Variants in COL7A1 observed in about 807,000 individuals in gnomAD.
The protein encoded by COL7A1 is collagen alpha-1(VII) chain.
In COL7A1, 296 loss-of-function variants were observed where a neutral mutation model predicts 456.2. That is an observed-to-expected ratio of 0.65 (90% CI 0.59 to 0.71). The LOEUF (loss-of-function observed/expected upper bound fraction) is 0.71, where lower values mean the gene tolerates loss of function less well. Ranked by LOEUF, COL7A1 falls within the 30% of genes least tolerant of loss-of-function variation. The probability of loss-of-function intolerance (pLI) is 0.00; values close to 1 mark genes in which losing one functional copy is unlikely to be tolerated. For synonymous variants in COL7A1, 1,464 were observed against 1,525.9 expected, an observed-to-expected ratio of 0.96 and a Z score of 0.95; for missense variants, 3,441 against 4,017.2, an observed-to-expected ratio of 0.86 and a Z score of 3.88.
Position 48,584,384 on chromosome 3 carries a change from G to A in COL7A1, c.4120-9C>T, listed in dbSNP as rs199914077. 8 of 1,613,630 alleles carry A rather than the reference G, an allele frequency of 5.0e-6. No individual in the cohort carries two copies. The highest frequency in any genetic ancestry group is 1.1e-5 in the South Asian group (1 of 91,084). ...CGAGGTCCAGGGGGGCCCTGATGGAGGAGACAAAGTATAAGGTGCAACCCC... is the reference window on the plus strand; with the variant it reads ...CGAGGTCCAGGGGGGCCCTGATGGAAGAGACAAAGTATAAGGTGCAACCCC... On this transcript the variant is annotated splice_polypyrimidine_tract_variant and intron_variant, in intron 36 of 118. Coordinates refer to ENST00000681320, the MANE Select transcript of COL7A1 (RefSeq NM_000094.4).
In COL7A1 at chr3:48,580,504, G is replaced by T; in HGVS notation, c.5052+77C>A. 1 of 1,534,798 alleles carries T rather than the reference G, an allele frequency of 6.5e-7. No homozygotes were observed. The highest frequency in any genetic ancestry group is 9.0e-7 in the Non-Finnish European group (1 of 1,115,112). ...GGGAGGGTTTAGCATTACAGGGTTGGGGGGTAGGATCAGGTATTGGGAATT... is the reference window on the plus strand; with the variant it reads ...GGGAGGGTTTAGCATTACAGGGTTGTGGGGTAGGATCAGGTATTGGGAATT... On this transcript the variant is annotated intron_variant, in intron 55 of 118. Coordinates refer to ENST00000681320, the MANE Select transcript of COL7A1 (RefSeq NM_000094.4). The surrounding 1 kb of genome is among the most constrained non-coding windows in gnomAD (Gnocchi z 4.5).
In COL7A1 at chr3:48,573,117, T is replaced by C. The variant is rs1400905720; in HGVS notation, c.6714+57A>G. 9 of 1,613,970 alleles carry C rather than the reference T, an allele frequency of 5.6e-6. No homozygotes were observed. The highest frequency in any genetic ancestry group is 7.6e-6 in the Non-Finnish European group (9 of 1,179,958). On this transcript the variant is annotated intron_variant, in intron 85 of 118. Coordinates refer to ENST00000681320, the MANE Select transcript of COL7A1 (RefSeq NM_000094.4). This position sits in a 1 kb window ranked among gnomAD's most constrained non-coding sequence, Gnocchi z 5.5. Reference sequence around the variant, plus strand: ...GGACACAGGACGACATGAGAGAACATGGGCCCCAAGGAGTGAAAACACGGT... The same window carrying C: ...GGACACAGGACGACATGAGAGAACACGGGCCCCAAGGAGTGAAAACACGGT...
chr3:48,587,753 A>T lies in COL7A1; in HGVS notation c.2857+40T>A. 6 of 1,613,398 alleles carry T rather than the reference A, an allele frequency of 3.7e-6. No individual in the cohort carries two copies. Among genetic ancestry groups the T allele is most frequent in the Non-Finnish European group, 5.1e-6 (6 of 1,179,958 alleles). ...GGGGTGCAGGAAGTCAGGGTGGGTC[A>T]TCAGCAGGGGAGGAGCACGCCAAGG... On this transcript the variant is annotated intron_variant, in intron 22 of 118. Coordinates refer to ENST00000681320, the MANE Select transcript of COL7A1 (RefSeq NM_000094.4). The surrounding 1 kb of genome is among the most constrained non-coding windows in gnomAD (Gnocchi z 6.1).
At position 48,578,871 on chromosome 3, in the gene COL7A1, C is replaced by A; in HGVS notation, c.5424+48G>T. ...TGTGACTATGATGATCTGGTTGGAG[C>A]TTACGCAGCCCCGAGCCCCCTCTGT... On this transcript the variant is annotated intron_variant, in intron 63 of 118. Transcript: ENST00000681320. The surrounding 1 kb of genome is among the most constrained non-coding windows in gnomAD (Gnocchi z 4.7). The A allele has an allele frequency of 6.3e-7, 1 of 1,586,128 alleles. No individual in the cohort carries two copies.
At position 48,579,818 on chromosome 3, in the gene COL7A1, TG is replaced by T; in HGVS notation, c.5125-5del. On this transcript the variant is annotated splice_polypyrimidine_tract_variant and splice_region_variant and intron_variant, in intron 57 of 118. Transcript: ENST00000681320. The surrounding 1 kb of genome is among the most constrained non-coding windows in gnomAD (Gnocchi z 4.4). ...TGGCTCCAGGTCCTGTGTCTACCTGTGGGGGGAATGACCAGTGAGAAGAATG... is the reference window on the plus strand; with the variant it reads ...TGGCTCCAGGTCCTGTGTCTACCTGTGGGGGAATGACCAGTGAGAAGAATG... 1 of 1,613,482 alleles carries T rather than the reference TG, an allele frequency of 6.2e-7. No homozygotes were observed. The highest frequency in any genetic ancestry group is 8.5e-7 in the Non-Finnish European group (1 of 1,179,866).
At position 48,572,754 on chromosome 3, in the gene COL7A1, C is replaced by T. The variant is rs746461849; in HGVS notation, c.6832-15G>A. The stretch of plus-strand genomic sequence containing the variant: ...CCTGGTGACCCCTATGGCAGAGCAG[C>T]GTGAGGAACTCAGTGCCTCTCCACC... On this transcript the variant is annotated splice_polypyrimidine_tract_variant and intron_variant, in intron 87 of 118. Coordinates refer to ENST00000681320, the MANE Select transcript of COL7A1 (RefSeq NM_000094.4). This position sits in a 1 kb window ranked among gnomAD's most constrained non-coding sequence, Gnocchi z 4.6. The T allele has an allele frequency of 1.2e-5, 20 of 1,610,394 alleles. No individual in the cohort carries two copies. The highest frequency in any genetic ancestry group is 2.2e-5 in the East Asian group (1 of 44,670).
In COL7A1 at chr3:48,569,685, A is replaced by G; in HGVS notation, c.7558-37T>C. 1 of 1,613,856 alleles carries G rather than the reference A, an allele frequency of 6.2e-7. No individual in the cohort carries two copies. The highest frequency in any genetic ancestry group is 1.7e-5 in the Admixed American group (1 of 60,000). ...GGCAGGAATCAGAGGAGTCGGGAGC[A>G]CCCTGGCCCCTGCCCTGCCCTCCCC... On this transcript the variant is annotated intron_variant, in intron 101 of 118. Transcript: ENST00000681320. This position sits in a 1 kb window ranked among gnomAD's most constrained non-coding sequence, Gnocchi z 4.9.
chr3:48,578,640 C>T lies in COL7A1; in HGVS notation c.5425-125G>A. The T allele has an allele frequency of 2.6e-6, 3 of 1,136,924 alleles. No homozygotes were observed. Among genetic ancestry groups the T allele is most frequent in the Non-Finnish European group, 3.9e-6 (3 of 776,238 alleles). The allele number at this position is 1,136,924 out of a possible 1,614,324, so 70.4% of individuals were successfully genotyped here. On this transcript the variant is annotated intron_variant, in intron 63 of 118. Transcript: ENST00000681320. This position sits in a 1 kb window ranked among gnomAD's most constrained non-coding sequence, Gnocchi z 4.7. The stretch of plus-strand genomic sequence containing the variant: ...AGAGACCCCCAGGACTGAGAGGTCC[C>T]ATTGAGATCCCTCAGGCACAGACCC...
Position 48,573,654 on chromosome 3 carries a change from C to A in COL7A1, c.6573+36G>T. The A allele has an allele frequency of 6.2e-7, 1 of 1,612,730 alleles. No individual in the cohort carries two copies. The highest frequency in any genetic ancestry group is 8.5e-7 in the Non-Finnish European group (1 of 1,179,388). On this transcript the variant is annotated intron_variant, in intron 82 of 118. Transcript: ENST00000681320. This position sits in a 1 kb window ranked among gnomAD's most constrained non-coding sequence, Gnocchi z 5.5. ...TGGCCAATGCCTATCCCAGCCCTTCCAGACCCTCACCAGGCAGTGTTCCCT... is the reference window on the plus strand; with the variant it reads ...TGGCCAATGCCTATCCCAGCCCTTCAAGACCCTCACCAGGCAGTGTTCCCT...
Position 48,581,901 on chromosome 3 carries a change from C to T in COL7A1, c.4668+10G>A, listed in dbSNP as rs1282239017. The T allele has an allele frequency of 8.7e-6, 14 of 1,613,982 alleles. No homozygotes were observed. The highest frequency in any genetic ancestry group is 1.2e-5 in the Non-Finnish European group (14 of 1,180,046). On this transcript the variant is annotated intron_variant, in intron 48 of 118. Transcript: ENST00000681320. This position sits in a 1 kb window ranked among gnomAD's most constrained non-coding sequence, Gnocchi z 5.8. ...TGTAGAAACCTCCCCTTGCCCCATA[C>T]CAGGCTTACCTTTTCTCCTTTGGGT...
Position 48,594,963 on chromosome 3 carries a change from C to T in COL7A1, c.85+112G>A. 3.5e-6 allele frequency: 3 copies of T among 863,194 alleles called. No homozygotes were observed. Among genetic ancestry groups the T allele is most frequent in the Non-Finnish European group, 5.5e-6 (3 of 547,544 alleles). 53.5% of individuals were successfully genotyped at this position (863,194 alleles called of 1,614,324 possible). On this transcript the variant is annotated intron_variant, in intron 2 of 118. Transcript: ENST00000681320. This position sits in a 1 kb window ranked among gnomAD's most constrained non-coding sequence, Gnocchi z 5.5. ...CCAGAATTAGGAGGAATCCGCGGGG[C>T]GTCGTGGAGTTGGCTGGGTTGTGGG...
rs778750758 is a variant in COL7A1 at position 48,568,556 on chromosome 3, G to A, written c.7759-22C>T. On this transcript the variant is annotated intron_variant, in intron 104 of 118. Coordinates refer to ENST00000681320, the MANE Select transcript of COL7A1 (RefSeq NM_000094.4). This position sits in a 1 kb window ranked among gnomAD's most constrained non-coding sequence, Gnocchi z 5.2. ...GACCCTGTGAGAAACACAGATGGGG[G>A]AGCCCTTCAGTGGGACTGTCCCCAA... The A allele has an allele frequency of 3.7e-6, 6 of 1,605,122 alleles. No homozygotes were observed. The highest frequency in any genetic ancestry group is 1.3e-5 in the African/African-American group (1 of 74,768).
Position 48,586,343 on chromosome 3 carries a change from G to C in COL7A1, c.3539C>G (p.Ala1180Gly), listed in dbSNP as rs781625285. 3.1e-6 allele frequency: 5 copies of C among 1,613,880 alleles called. No individual in the cohort carries two copies. The highest frequency in any genetic ancestry group is 3.4e-6 in the Non-Finnish European group (4 of 1,179,956). Residue 1180 changes from alanine to glycine, a missense_variant, in exon 27 of 119, where the codon GCC (alanine) becomes GGC (glycine). Physicochemically the swap from Ala to Gly is moderately conservative, Grantham distance 60. Around this residue, in one of 3 missense-constraint regions of COL7A1, gnomAD observed 2,084 missense variants for 2,501.3 expected, o/e 0.83. Transcript: ENST00000681320. This position sits in a 1 kb window ranked among gnomAD's most constrained non-coding sequence, Gnocchi z 5.1. ...RGDIFSPIRE[A>G]QASGLNVVML... is the part of the protein sequence containing the mutation. ...AGCCTACTCCTTACCAGAAGCCTGGGCCTCACGGATGGGGCTGAATATGTC... is the reference window on the plus strand; with the variant it reads ...AGCCTACTCCTTACCAGAAGCCTGGCCCTCACGGATGGGGCTGAATATGTC...
Position 48,583,193 on chromosome 3 carries a change from AAGAC to A in COL7A1, c.4438-26_4438-23del, listed in dbSNP as rs763196354. The A allele has an allele frequency of 6.6e-5, 107 of 1,613,344 alleles. No individual in the cohort carries two copies. The highest frequency in any genetic ancestry group is 1.5e-5 in the Non-Finnish European group (18 of 1,179,818). On this transcript the variant is annotated intron_variant, in intron 42 of 118. Transcript: ENST00000681320. The surrounding 1 kb of genome is among the most constrained non-coding windows in gnomAD (Gnocchi z 5.1). Reference sequence around the variant, plus strand: ...CACCCTGAAGAGAGAGGGTGAGAGAAAGACAGAGAGAGAGAGGGTTGGTGGCGGG... The same window carrying A: ...CACCCTGAAGAGAGAGGGTGAGAGAAAGAGAGAGAGAGGGTTGGTGGCGGG...
Position 48,586,619 on chromosome 3 carries a change from A to T in COL7A1, c.3347T>A (p.Ile1116Asn). Residue 1116 changes from isoleucine to asparagine, a missense_variant, in exon 26 of 119, where the codon ATT becomes AAT. Ile to Asn is a moderately radical substitution (Grantham distance 149). Around this residue, in one of 3 missense-constraint regions of COL7A1, gnomAD observed 444 missense variants for 427.6 expected, o/e 1.04. Transcript: ENST00000681320. The surrounding 1 kb of genome is among the most constrained non-coding windows in gnomAD (Gnocchi z 5.1). ...CATGTCACGGATCCTTTGCAAGATA[A>T]TGCCAAGGTCATGGGAGCCATTCAG... ...FPLNGSHDLG[I>N]ILQRIRDMPY... The T allele has an allele frequency of 1.1e-5, 18 of 1,613,706 alleles. No homozygotes were observed. Among genetic ancestry groups the T allele is most frequent in the Non-Finnish European group, 1.5e-5 (18 of 1,180,026 alleles).
Position 48,592,811 on chromosome 3 carries a change from C to T in COL7A1, c.810G>A (p.Thr270=), listed in dbSNP as rs138770708. The T allele has an allele frequency of 8.4e-5, 136 of 1,613,694 alleles. 1 individual carries two copies. In the African/African-American group the frequency reaches 1.6e-3, roughly 19 times the overall value. ...TGYKVQYTPL[T]GLGQPLPSER... The stretch of plus-strand genomic sequence containing the variant: ...CACTCGGCAGTGGCTGTCCCAGCCC[C>T]GTCAGAGGAGTGTACTGGACCTTGT... The change falls in exon 7 of 119, where the codon ACG becomes ACA. Residue 270 remains threonine (T), a synonymous_variant. Coordinates refer to ENST00000681320, the MANE Select transcript of COL7A1 (RefSeq NM_000094.4). The surrounding 1 kb of genome is among the most constrained non-coding windows in gnomAD (Gnocchi z 7.6).
At position 48,578,093 on chromosome 3, in the gene COL7A1, G is replaced by A. The variant is rs2044446036; in HGVS notation, c.5532+228C>T. On this transcript the variant is annotated intron_variant, in intron 65 of 118. Transcript: ENST00000681320. This position sits in a 1 kb window ranked among gnomAD's most constrained non-coding sequence, Gnocchi z 4.7. ...GCAGGAGAATCACTTGAACCCGAGA[G>A]TCGAAGGTTGCAGTGAGCTGAGATT... 6.6e-6 allele frequency among the ~76,000 whole-genome samples: 1 copy of A among 152,110 alleles called. No individual in the cohort carries two copies. Among genetic ancestry groups the A allele is most frequent in the Admixed American group, 6.5e-5 (1 of 15,280 alleles).
In COL7A1 at chr3:48,591,618, A is replaced by T. The variant is rs2045706646; in HGVS notation, c.1508-26T>A. Reference sequence around the variant, plus strand: ...CTGTTGGAGAGCACAGCATAGAGGCAGCCTGGGGCTCCGACACCTCCCCCA... The same window carrying T: ...CTGTTGGAGAGCACAGCATAGAGGCTGCCTGGGGCTCCGACACCTCCCCCA... On this transcript the variant is annotated intron_variant, in intron 12 of 118. Transcript: ENST00000681320. This position sits in a 1 kb window ranked among gnomAD's most constrained non-coding sequence, Gnocchi z 7.0. 3.1e-6 allele frequency: 5 copies of T among 1,613,420 alleles called. No homozygotes were observed. In the Admixed American group the frequency reaches 8.3e-5, roughly 27 times the overall value.
chr3:48,579,437 G>C lies in COL7A1; in HGVS notation c.5272-33C>G, dbSNP rs2044566750. The C allele has an allele frequency of 6.2e-7, 1 of 1,614,070 alleles. No homozygotes were observed. The highest frequency in any genetic ancestry group is 1.3e-5 in the African/African-American group (1 of 74,930). ...GAACAGGGTCAGATAAGAGGTGAGG[G>C]TAAGATGGGGACTTGGCAGACGGGG... On this transcript the variant is annotated intron_variant, in intron 60 of 118. Coordinates refer to ENST00000681320, the MANE Select transcript of COL7A1 (RefSeq NM_000094.4). The surrounding 1 kb of genome is among the most constrained non-coding windows in gnomAD (Gnocchi z 4.4).
Sources: gnomAD v4.1 joint callset for allele counts (sites outside exome capture counted in the v4.1 genomes callset) on GRCh38, gnomAD v4.1.1 for gene constraint, gnomAD v4.1.1 regional missense constraint, Gnocchi (gnomAD v3.1) non-coding constraint, MANE v1.5 for transcripts, NCBI Gene and HGNC (gene_info 2026-07-23, HGNC 2026-07-21) for gene names.